The following TNFSF18 variants were observed in gnomAD, a reference collection of about 807,000 sequenced individuals.
TNFSF18 encodes the protein TNF superfamily member 18, also known as tumor necrosis factor ligand superfamily member 18.
In TNFSF18, 6 loss-of-function variants were observed where a neutral mutation model predicts 9.6. The observed-to-expected ratio is 0.63, with a 90% CI of 0.34 to 1.24. The LOEUF (loss-of-function observed/expected upper bound fraction) is 1.24, where lower values mean the gene tolerates loss of function less well. Ranked by LOEUF, TNFSF18 falls within the 50% of genes most tolerant of loss-of-function variation. The probability of loss-of-function intolerance (pLI) is 0.03; values close to 1 mark genes in which losing one functional copy is unlikely to be tolerated. For missense variants in TNFSF18, 210 were observed against 201.0 expected, an observed-to-expected ratio of 1.04 and a Z score of -0.27; for synonymous variants, 68 against 71.7, an observed-to-expected ratio of 0.95 and a Z score of 0.26.
chr1:173,044,002 A>G (rs1665032346), intron 1 of TNFSF18, 33 bp from the exon 2 acceptor site: 2 of 1,597,524 alleles, frequency 1.3e-6, no homozygotes, highest in African/African-American at 1.3e-5. Context: ...ATTGATTAGG[A>G]TGATGACAGT....
intron 2 of TNFSF18, 125 bp from the exon 3 acceptor site, chr1:173,041,838 C>T: frequency 1.2e-6 from 1 of 830,984 alleles, no homozygotes; most frequent in Non-Finnish European, 1.8e-6. Context: ...TACACTAGTT[C>T]TCTTCAAGCA....
intron 2 of TNFSF18, among the ~76,000 whole-genome samples, chr1:173,043,558 C>A (rs1665026001): frequency 6.6e-6 from 1 of 152,124 alleles, no homozygotes; most frequent in Admixed American, 6.6e-5. Flanking sequence ...CTCACATACT[C>A]CATTGGACAT....
rs1665096054 is a variant in TNFSF18, at chr1:173,047,020, G to A, written c.157-3051C>T. Among the ~76,000 whole-genome samples the A allele has an allele frequency of 2.6e-5, 4 of 152,046 alleles. No individual in the cohort carries two copies. In the South Asian group the frequency reaches 8.3e-4, roughly 32 times the overall value. ...CAATTCTCCCACGTCAGCCCCCTGAGTAGCTGGGACTACAGGTGCATGCCA... is the reference window on the plus strand; with the variant it reads ...CAATTCTCCCACGTCAGCCCCCTGAATAGCTGGGACTACAGGTGCATGCCA... On this transcript the variant is annotated intron_variant, in intron 1 of 2. Transcript: ENST00000404377.
chr1:173,046,281 C>T (rs968904592), intron 1 of TNFSF18, among the ~76,000 whole-genome samples: 4 of 151,882 alleles, frequency 2.6e-5, no homozygotes, highest in South Asian at 2.1e-4. Flanking sequence ...TGAGTTTATG[C>T]GAGGGAGGTG....
intron 2 of TNFSF18, 39 bp from the exon 3 acceptor site, chr1:173,041,752 A>G: frequency 6.7e-7 from 1 of 1,488,422 alleles, no homozygotes; most frequent in South Asian, 1.3e-5. Context: ...ATGAAAGCAT[A>G]GTTATTTCAT....
At chr1:173,042,829 G>A (rs936455550) in intron 2 of TNFSF18, among the ~76,000 whole-genome samples, 1 of 152,022 alleles carries the variant, frequency 6.6e-6, no homozygotes, top group Non-Finnish European at 1.5e-5. Flanking sequence ...CCTGGAAGAG[G>A]TAACATTTTT....
chr1:173,049,801 A>C (rs1004878002), intron 1 of TNFSF18, among the ~76,000 whole-genome samples: 3 of 152,334 alleles, frequency 2.0e-5, no homozygotes, highest in Admixed American at 1.3e-4. Flanking sequence ...AATAGGCTAA[A>C]TCCTGAAATA....
In TNFSF18 at chr1:173,041,597, C is replaced by T; in HGVS notation, c.304G>A (p.Ala102Thr). ...NGLYLIYGQV[A>T]PNANYNDVAP... Reference sequence around the variant, plus strand: ...ACATCATTGTAGTTTGCATTGGGAGCCACTTGGCCATAAATTAAATATAAG... The same window carrying T: ...ACATCATTGTAGTTTGCATTGGGAGTCACTTGGCCATAAATTAAATATAAG... The change falls in exon 3 of 3, where the codon GCT (alanine) becomes ACT (threonine). Residue 102 changes from alanine (A) to threonine (T), a missense_variant. Physicochemically the swap from Ala to Thr is moderately conservative, Grantham distance 58. Transcript: ENST00000404377. The T allele has an allele frequency of 6.2e-7, 1 of 1,613,578 alleles. No individual in the cohort carries two copies. The highest frequency in any genetic ancestry group is 2.2e-5 in the East Asian group (1 of 44,878).
chr1:173,040,685 C>G lies in TNFSF18; in HGVS notation c.*682G>C, dbSNP rs973602542. On this transcript the variant is annotated 3_prime_UTR_variant, in exon 3 of 3. Transcript: ENST00000404377. ...AGCAATGTTTAGACACACACACCAA[C>G]AGTAAGGTCTCACAAAGCTCTACGT... 6.6e-6 allele frequency: 1 copy of G among 152,098 alleles called. No homozygotes were observed. Among genetic ancestry groups the G allele is most frequent in the African/African-American group, 2.4e-5 (1 of 41,422 alleles). 9.4% of individuals were successfully genotyped at this position (152,098 alleles called of 1,614,324 possible).
At chr1:173,042,808 T>C (rs1222165451) in intron 2 of TNFSF18, among the ~76,000 whole-genome samples, 1 of 152,078 alleles carries the variant, frequency 6.6e-6, no homozygotes, top group Admixed American at 6.6e-5. Flanking sequence ...GAAAACTTGA[T>C]GAGGAAACAC....
At chr1:173,044,755 A>G (rs1456146365) in intron 1 of TNFSF18, among the ~76,000 whole-genome samples, 1 of 152,216 alleles carries the variant, frequency 6.6e-6, no homozygotes, top group Non-Finnish European at 1.5e-5. Context: ...TCTGGCTGCT[A>G]TGCTAGGAAC....
chr1:173,041,625 A>G lies in TNFSF18; in HGVS notation c.276T>C (p.Asn92=). 6.2e-7 allele frequency: 1 copy of G among 1,613,630 alleles called. No homozygotes were observed. The highest frequency in any genetic ancestry group is 1.1e-5 in the South Asian group (1 of 91,052). The change falls in exon 3 of 3, where the codon AAT becomes AAC. Residue 92 remains asparagine (N), a synonymous_variant. Coordinates refer to ENST00000404377, the MANE Select transcript of TNFSF18 (RefSeq NM_005092.4). ...CTTGGCCATAAATTAAATATAAGCC[A>G]TTCTGAAGTATCTCCAGCTTCCAGT... ...VSDWKLEILQ[N]GLYLIYGQVA...
In TNFSF18 at chr1:173,039,739, TACACACAC is replaced by T. The variant is rs562779540; in HGVS notation, c.*1620_*1627del. ...ATACATATATATACACACACACATA[TACACACAC>T]ACACACACACACACACACATATGTA... is the stretch of plus-strand genomic sequence containing the variant. On this transcript the variant is annotated 3_prime_UTR_variant, in exon 3 of 3. Transcript: ENST00000404377. Among the ~76,000 whole-genome samples, 3 of 146,420 alleles carry T rather than the reference TACACACAC, an allele frequency of 2.0e-5. No individual in the cohort carries two copies. The highest frequency in any genetic ancestry group is 6.9e-5 in the Admixed American group (1 of 14,598).
chr1:173,044,554 CCAT>C (rs574767095), intron 1 of TNFSF18, among the ~76,000 whole-genome samples: 49 of 152,242 alleles, frequency 3.2e-4, no homozygotes, highest in Non-Finnish European at 5.9e-4. Flanking sequence ...CTACAAGATG[CCAT>C]CAGTGTGTGG....
In TNFSF18 at chr1:173,041,159, T is replaced by A. The variant is rs1664983884; in HGVS notation, c.*208A>T. ...TGTTTTATCATGGATTAATGAAGTA[T>A]CTCTGCAGATCCAACCAAAAGTCTT... On this transcript the variant is annotated 3_prime_UTR_variant, in exon 3 of 3. Coordinates refer to ENST00000404377, the MANE Select transcript of TNFSF18 (RefSeq NM_005092.4). 3 of 455,224 alleles carry A rather than the reference T, an allele frequency of 6.6e-6. No homozygotes were observed. In the East Asian group the frequency reaches 9.9e-5, roughly 15 times the overall value. The allele number at this position is 455,224 out of a possible 1,614,324, so 28.2% of individuals were successfully genotyped here. A position where few individuals can be genotyped will look rare whatever the true frequency, so the allele number is the denominator to read the frequency against.
At chr1:173,049,153 G>A (rs1232514204) in intron 1 of TNFSF18, among the ~76,000 whole-genome samples, 1 of 152,102 alleles carries the variant, frequency 6.6e-6, no homozygotes, top group African/African-American at 2.4e-5. Flanking sequence ...TCTGAAGAGA[G>A]GTGTCCCAGA....
At chr1:173,045,926 C>T (rs75921119) in intron 1 of TNFSF18, among the ~76,000 whole-genome samples, 2,988 of 152,150 alleles carry the variant, frequency 0.02, 90 homozygotes, top group African/African-American at 0.068. Context: ...TTCTTTCCTC[C>T]GTACTTCTAT....
intron 1 of TNFSF18, among the ~76,000 whole-genome samples, chr1:173,047,431 G>A (rs1665102804): frequency 6.6e-6 from 1 of 152,134 alleles, no homozygotes; most frequent in East Asian, 1.9e-4. Flanking sequence ...AATATTAGCT[G>A]TTTGGGTGAT....
At chr1:173,044,036 T>G (rs1376790284) in intron 1 of TNFSF18, 67 bp from the exon 2 acceptor site, 8 of 1,429,524 alleles carry the variant, frequency 5.6e-6, no homozygotes, top group Non-Finnish European at 6.9e-6. Flanking sequence ...TTGATTGATT[T>G]ATTTAGAGCT....
Sources: allele counts gnomAD v4.1 joint callset (sites outside exome capture counted in the v4.1 genomes callset), GRCh38; gene constraint gnomAD v4.1.1; transcripts MANE v1.5; gene names NCBI Gene and HGNC (gene_info 2026-07-23, HGNC 2026-07-21).